The following RUSC2 variants were observed in gnomAD, a reference collection of about 807,000 sequenced individuals.
RUSC2 encodes the protein RUN and SH3 domain containing 2.
In RUSC2, 34 loss-of-function variants were observed where a neutral mutation model predicts 122.2. The observed-to-expected ratio is 0.28, with a 90% CI of 0.21 to 0.37. The LOEUF (loss-of-function observed/expected upper bound fraction) is 0.37, where lower values mean the gene tolerates loss of function less well. Ranked by LOEUF, RUSC2 falls within the 10% of genes least tolerant of loss-of-function variation. The pLI, the probability that RUSC2 is intolerant of heterozygous loss-of-function variation, is 1.00. For synonymous variants in RUSC2, 784 were observed against 790.0 expected (o/e 0.99, Z 0.13); for missense variants, 1,747 against 1,952.4 (o/e 0.89, Z 1.98).
chr9:35,499,566 A>T (rs946696844), intron 1 of RUSC2, among the ~76,000 whole-genome samples: 10 of 152,316 alleles, frequency 6.6e-5, no homozygotes, highest in Admixed American at 2.0e-4. Flanking sequence ...GGGTGGAAAG[A>T]AAAATAGGGC....
At chr9:35,538,946 A>G (rs1275296963) in intron 1 of RUSC2, 5 of 152,344 alleles carry the variant, frequency 3.3e-5, no homozygotes, top group African/African-American at 1.2e-4. Flanking sequence ...TGCATTAGCA[A>G]CGATGCCATT....
At chr9:35,514,727 G>GC (rs1327220050) in intron 1 of RUSC2, among the ~76,000 whole-genome samples, 4 of 152,110 alleles carry the variant, frequency 2.6e-5, no homozygotes, top group African/African-American at 9.7e-5. Context: ...ATGGTCCTGG[G>GC]CTAGTATGGC....
rs945057129 is a variant in RUSC2, at chr9:35,561,766, C to T, written c.*384C>T. ...CAGTATTGGGGCCAGATCCCTAAGC[C>T]CCCCAGCTGTAAATAGGCTGTGGCC... On this transcript the variant is annotated 3_prime_UTR_variant, in exon 12 of 12. Coordinates refer to ENST00000361226, the MANE Select transcript of RUSC2 (RefSeq NM_014806.5). 1.8e-6 allele frequency: 1 copy of T among 554,526 alleles called. No homozygotes were observed. Among genetic ancestry groups the T allele is most frequent in the Non-Finnish European group, 3.2e-6 (1 of 315,110 alleles). 34.4% of individuals were successfully genotyped at this position (554,526 alleles called of 1,614,324 possible). A position where few individuals can be genotyped will look rare whatever the true frequency, so the allele number is the denominator to read the frequency against.
chr9:35,520,536 A>G (rs1821194475), intron 1 of RUSC2, among the ~76,000 whole-genome samples: 1 of 152,066 alleles, frequency 6.6e-6, no homozygotes, highest in African/African-American at 2.4e-5. Flanking sequence ...TTCTGATTGG[A>G]TAGCAGCTTC....
Position 35,555,224 on chromosome 9 carries a change from C to T in RUSC2, c.2179C>T (p.Arg727Cys), listed in dbSNP as rs754257661. The T allele has an allele frequency of 1.5e-5, 25 of 1,613,022 alleles. No individual in the cohort carries two copies. The highest frequency in any genetic ancestry group is 3.3e-5 in the South Asian group (3 of 91,088). The stretch of plus-strand genomic sequence containing the variant: ...GCTCTACAGCCTCTCAGGCTGCAGC[C>T]GTACACAGCAGCCTGCCCCACTGGC... ...SQLYSLSGCS[R>C]TQQPAPLAAP... Residue 727 changes from arginine (R) to cysteine (C), a missense_variant, in exon 3 of 12, where the codon CGT (arginine) becomes TGT (cysteine). By Grantham distance (180) the Arg-to-Cys change is radical. Transcript: ENST00000361226. The surrounding 1 kb of genome is among the most constrained non-coding windows in gnomAD (Gnocchi z 4.6).
chr9:35,499,323 G>T (rs1472623498), intron 1 of RUSC2, among the ~76,000 whole-genome samples: 1 of 151,918 alleles, frequency 6.6e-6, no homozygotes, highest in Admixed American at 6.6e-5. Flanking sequence ...GAGTCATCAA[G>T]AAAAGTTAAA....
intron 1 of RUSC2, among the ~76,000 whole-genome samples, chr9:35,516,836 G>A (rs1436797233): frequency 6.6e-6 from 1 of 152,196 alleles, no homozygotes; most frequent in Non-Finnish European, 1.5e-5. Flanking sequence ...CATAAGCTGA[G>A]AATGGCTTTT....
chr9:35,561,189 A>G lies in RUSC2; in HGVS notation c.4358A>G (p.Gln1453Arg). 6.2e-7 allele frequency: 1 copy of G among 1,614,018 alleles called. No homozygotes were observed. ...ALPSSPPCEV[Q>R]ALCHHLATGP... ...ATGTGCTGTTTCCCCAGTGAGGTGC[A>G]GGCACTGTGCCACCACCTGGCCACC... Residue 1453 changes from glutamine to arginine, a missense_variant, in exon 12 of 12, where the codon CAG becomes CGG. Gln to Arg is a conservative substitution (Grantham distance 43). Coordinates refer to ENST00000361226, the MANE Select transcript of RUSC2 (RefSeq NM_014806.5).
At chr9:35,502,378 C>T (rs1304255416) in intron 1 of RUSC2, among the ~76,000 whole-genome samples, 1 of 152,126 alleles carries the variant, frequency 6.6e-6, no homozygotes, top group East Asian at 1.9e-4. Flanking sequence ...GATATATCAC[C>T]ATGGGTTTTC....
chr9:35,517,657 C>G (rs1451274114), intron 1 of RUSC2, among the ~76,000 whole-genome samples: 1 of 152,058 alleles, frequency 6.6e-6, no homozygotes, highest in Non-Finnish European at 1.5e-5. Context: ...TTCGTCTGTT[C>G]CTCAAACCAG....
chr9:35,550,553 GA>G (rs1259089345), intron 2 of RUSC2, among the ~76,000 whole-genome samples: 1 of 151,918 alleles, frequency 6.6e-6, no homozygotes, highest in Non-Finnish European at 1.5e-5. Flanking sequence ...TTGAACCCAG[GA>G]GACAGAGGTT....
intron 2 of RUSC2, among the ~76,000 whole-genome samples, chr9:35,553,850 CTT>C (rs1392927272): frequency 1.3e-5 from 2 of 152,168 alleles, no homozygotes; most frequent in Admixed American, 6.5e-5. Context: ...CCCTCTGACT[CTT>C]TGATGTAAAT....
At chr9:35,510,979 C>G (rs1411216984) in intron 1 of RUSC2, among the ~76,000 whole-genome samples, 1 of 151,982 alleles carries the variant, frequency 6.6e-6, no homozygotes, top group East Asian at 1.9e-4. Flanking sequence ...GCTGGAACCT[C>G]CCAACATCTA....
At chr9:35,541,751 C>A (rs1352540160) in intron 1 of RUSC2, among the ~76,000 whole-genome samples, 3 of 151,982 alleles carry the variant, frequency 2.0e-5, no homozygotes, top group Non-Finnish European at 4.4e-5. Flanking sequence ...GGTCTACTCT[C>A]ATTATATTCT....
chr9:35,522,312 C>G (rs570197225), intron 1 of RUSC2, among the ~76,000 whole-genome samples: 1 of 152,316 alleles, frequency 6.6e-6, no homozygotes, highest in East Asian at 1.9e-4. Flanking sequence ...TCTCTAACTC[C>G]CAACAAACTA....
chr9:35,510,254 G>A (rs964471938), intron 1 of RUSC2, among the ~76,000 whole-genome samples: 3 of 152,204 alleles, frequency 2.0e-5, no homozygotes, highest in Non-Finnish European at 2.9e-5. Context: ...GCTCACACCT[G>A]TAATTCCAGA....
Position 35,561,278 on chromosome 9 carries a change from G to A in RUSC2, c.4447G>A (p.Asp1483Asn). ...ILRVLGRAGG[D>N]WLRCSRGPDS... is the part of the protein sequence containing the mutation. ...ACGAGTGCTGGGGCGAGCTGGAGGA[G>A]ACTGGCTGCGCTGCAGCCGTGGCCC... The change falls in exon 12 of 12, where the codon GAC (aspartate) becomes AAC (asparagine). Residue 1483 changes from aspartate to asparagine, a missense_variant. By Grantham distance (23) the Asp-to-Asn change is conservative. Transcript: ENST00000361226. The A allele has an allele frequency of 6.2e-7, 1 of 1,614,156 alleles. No homozygotes were observed. The highest frequency in any genetic ancestry group is 1.1e-5 in the South Asian group (1 of 91,086).
At chr9:35,540,001 GAC>G (rs1821610751) in intron 1 of RUSC2, among the ~76,000 whole-genome samples, 1 of 152,218 alleles carries the variant, frequency 6.6e-6, no homozygotes, top group Admixed American at 6.5e-5. Flanking sequence ...CTGGCAGAAA[GAC>G]ACTGATGACC....
intron 2 of RUSC2, chr9:35,549,040 A>T (rs1265953341): frequency 1.0e-6 from 1 of 982,092 alleles, no homozygotes; most frequent in African/African-American, 1.8e-5. Context: ...CTCAAAAAAA[A>T]AAAATAAATA....
Sources: allele counts gnomAD v4.1 joint callset (sites outside exome capture counted in the v4.1 genomes callset), GRCh38; gene constraint gnomAD v4.1.1; non-coding constraint Gnocchi (gnomAD v3.1); transcripts MANE v1.5; gene names NCBI Gene and HGNC (gene_info 2026-07-23, HGNC 2026-07-21).